The following APOO variants were observed in gnomAD, a reference collection of about 807,000 sequenced individuals.
APOO encodes apolipoprotein O.
APOO carries 11 observed loss-of-function variants against 23.1 expected under a neutral mutation model. That is an observed-to-expected ratio of 0.48 (90% CI 0.30 to 0.79). The LOEUF (loss-of-function observed/expected upper bound fraction) is 0.79. APOO is among the 30% of genes least tolerant of loss of function. The probability of loss-of-function intolerance (pLI) is 0.07; values close to 1 mark genes in which losing one functional copy is unlikely to be tolerated. For missense variants in APOO, 160 were observed against 142.7 expected (o/e 1.12, Z -0.62); for synonymous variants, 59 against 54.8 (o/e 1.08, Z -0.34).
intron 7 of APOO, among the ~76,000 whole-genome samples, chrX:23,850,390 C>A (rs1354060770): frequency 1.8e-5 from 2 of 112,127 alleles, no homozygotes; most frequent in Non-Finnish European, 3.8e-5. Flanking sequence ...TTGGCATCAT[C>A]TAGTAAAACT....
chrX:23,857,129 A>G (rs1018094850), intron 6 of APOO, among the ~76,000 whole-genome samples: 8 of 110,410 alleles, frequency 7.2e-5, no homozygotes. Flanking sequence ...AAAACTACCC[A>G]TCAGGTACTA....
intron 8 of APOO, among the ~76,000 whole-genome samples, chrX:23,834,588 G>GAA (rs1192717695): frequency 9.1e-6 from 1 of 110,480 alleles, no homozygotes; most frequent in Non-Finnish European, 1.9e-5. Context: ...CTATCTGCTG[G>GAA]AAAGCATGAT....
intron 4 of APOO, among the ~76,000 whole-genome samples, chrX:23,868,910 CTT>C (rs376256040): frequency 1.3e-4 from 13 of 98,018 alleles, no homozygotes; most frequent in Admixed American, 1.1e-4. Context: ...TCTTTTCTTT[CTT>C]TTTTTTTTTT....
intron 7 of APOO, among the ~76,000 whole-genome samples, chrX:23,848,942 C>T (rs1471094895): frequency 1.4e-4 from 15 of 103,606 alleles, no homozygotes; most frequent in African/African-American, 5.0e-4. Flanking sequence ...CTGCAAGCTC[C>T]GCCTCCTGGG....
intron 1 of APOO, among the ~76,000 whole-genome samples, chrX:23,906,227 A>G (rs927737601): frequency 8.9e-6 from 1 of 112,683 alleles, no homozygotes; most frequent in African/African-American, 3.2e-5. Context: ...TGCCCAGCCA[A>G]CCCAGATTTT....
chrX:23,890,256 T>C (rs2147036445), intron 1 of APOO, among the ~76,000 whole-genome samples: 1 of 111,679 alleles, frequency 9.0e-6, no homozygotes, highest in African/African-American at 3.2e-5. Flanking sequence ...CAAGAAAATC[T>C]CTCCCGTCTT....
Position 23,833,511 on chromosome X carries a change from C to T in APOO, c.*131G>A, listed in dbSNP as rs1194085039. 8.9e-6 allele frequency: 1 copy of T among 111,796 alleles called. No individual in the cohort carries two copies. The highest frequency in any genetic ancestry group is 1.9e-5 in the Non-Finnish European group (1 of 53,101). The allele number at this position is 111,796 out of a possible 1,213,427, so 9.2% of individuals were successfully genotyped here. A position where few individuals can be genotyped will look rare whatever the true frequency, so the allele number is the denominator to read the frequency against. On this transcript the variant is annotated 3_prime_UTR_variant, in exon 9 of 9. Transcript: ENST00000379226. ...TAACAGAGGTCTGGTCTAGTTTTTC[C>T]TGAAGAAGAAAGCCAATTTAATACA...
intron 6 of APOO, among the ~76,000 whole-genome samples, chrX:23,857,241 AAAAG>A (rs1235509342): frequency 1.1e-5 from 1 of 91,115 alleles, no homozygotes; most frequent in Non-Finnish European, 2.0e-5. Context: ...TAAAAGTTAA[AAAAG>A]AAAGAAATTT....
At chrX:23,863,944 G>GT (rs1925219947) in intron 5 of APOO, among the ~76,000 whole-genome samples, 1 of 109,802 alleles carries the variant, frequency 9.1e-6, no homozygotes, top group African/African-American at 3.3e-5. Flanking sequence ...GAGGCATAGT[G>GT]TTTTTTGCTG....
chrX:23,868,810 C>G (rs1162381988), intron 4 of APOO, 122 bp from the exon 5 acceptor site: 8 of 387,939 alleles, frequency 2.1e-5, no homozygotes, highest in Non-Finnish European at 3.5e-5. Flanking sequence ...CACATATTCT[C>G]TGCATCCTGC....
intron 1 of APOO, among the ~76,000 whole-genome samples, chrX:23,902,395 C>A (rs1217750763): frequency 1.8e-5 from 2 of 111,266 alleles, no homozygotes; most frequent in Non-Finnish European, 3.8e-5. Context: ...TGATTTGTGG[C>A]CAGATTTGGG....
chrX:23,845,077 T>G (rs1273575798), intron 7 of APOO, among the ~76,000 whole-genome samples: 1 of 111,287 alleles, frequency 9.0e-6, no homozygotes, highest in East Asian at 2.8e-4. Flanking sequence ...GGGGTAGGAG[T>G]CTGGTGCTCC....
At chrX:23,878,393 C>A (rs1165665016) in intron 3 of APOO, among the ~76,000 whole-genome samples, 2 of 111,834 alleles carry the variant, frequency 1.8e-5, no homozygotes, top group Non-Finnish European at 3.8e-5. Flanking sequence ...CACCAGGAAG[C>A]TAGGGCATCT....
intron 1 of APOO, among the ~76,000 whole-genome samples, chrX:23,893,939 G>T (rs1349718883): frequency 1.8e-5 from 2 of 110,415 alleles, no homozygotes; most frequent in African/African-American, 6.6e-5. Flanking sequence ...AAAGGGGGCT[G>T]GGGGGAGGTG....
intron 6 of APOO, among the ~76,000 whole-genome samples, chrX:23,857,485 A>G (rs1318974107): frequency 8.9e-6 from 1 of 111,776 alleles, no homozygotes; most frequent in Admixed American, 9.6e-5. Flanking sequence ...TGTTACAAAC[A>G]ATGTTGAGCA....
At chrX:23,863,192 G>T (rs1417303494) in intron 5 of APOO, among the ~76,000 whole-genome samples, 2 of 111,729 alleles carry the variant, frequency 1.8e-5, no homozygotes, top group African/African-American at 6.5e-5. Flanking sequence ...AAATTAGCCA[G>T]GCGTGGTGGT....
intron 1 of APOO, among the ~76,000 whole-genome samples, chrX:23,890,232 CATTT>C (rs1445054790): frequency 4.5e-5 from 5 of 111,928 alleles, no homozygotes; most frequent in African/African-American, 1.6e-4. Flanking sequence ...GAAATTATGA[CATTT>C]ATTTACATTC....
At chrX:23,847,479 A>G (rs1924298777) in intron 7 of APOO, among the ~76,000 whole-genome samples, 1 of 109,624 alleles carries the variant, frequency 9.1e-6, no homozygotes, top group Non-Finnish European at 1.9e-5. Context: ...ACAAAAAATT[A>G]GCTGGGCGTG....
chrX:23,848,527 A>C (rs1924362716), intron 7 of APOO, among the ~76,000 whole-genome samples: 1 of 111,648 alleles, frequency 9.0e-6, no homozygotes, highest in African/African-American at 3.3e-5. Flanking sequence ...CATTATTTTG[A>C]AACTGGATAA....
Sources: gnomAD v4.1 joint callset for allele counts (sites outside exome capture counted in the v4.1 genomes callset) on GRCh38, gnomAD v4.1.1 for gene constraint, MANE v1.5 for transcripts, NCBI Gene and HGNC (gene_info 2026-07-23, HGNC 2026-07-21) for gene names.